ADGRV1: variants seen among roughly 807,000 people sequenced by gnomAD.
The protein encoded by ADGRV1 is G-protein coupled receptor 98.
In ADGRV1, 359 loss-of-function variants were observed where a neutral mutation model predicts 596.2. The ratio of observed to expected loss-of-function variants is 0.60; its 90% CI spans 0.55 to 0.66. ADGRV1 has a LOEUF of 0.66. Among genes scored for constraint, ADGRV1 ranks in the 30% least tolerant of loss-of-function variants. ADGRV1 has a pLI of 0.00. For synonymous variants in ADGRV1, 2,681 were observed against 2,679.2 expected, an observed-to-expected ratio of 1.00 and a Z score of -0.02; for missense variants, 7,274 against 7,575.6, an observed-to-expected ratio of 0.96 and a Z score of 1.48.
intron 52 of ADGRV1, among the ~76,000 whole-genome samples, chr5:90,748,667 A>T (rs1221122179): frequency 2.0e-5 from 3 of 152,128 alleles, no homozygotes; most frequent in Non-Finnish European, 4.4e-5. Flanking sequence ...TTGTTTCTTC[A>T]CTTTCTTCAG....
intron 83 of ADGRV1, among the ~76,000 whole-genome samples, chr5:90,893,162 G>C (rs1770982675): frequency 6.6e-6 from 1 of 152,142 alleles, no homozygotes; most frequent in Non-Finnish European, 1.5e-5. Context: ...ACTGAGGGTA[G>C]ATAGTCTGTT....
rs781697491 is a variant in ADGRV1 at position 90,725,186 on chromosome 5, C to G, written c.10007C>G (p.Ser3336Cys). ...THEERNEEKP[S>C]LNSVFTFTSG... ...GAAGAAAGAAATGAAGAAAAGCCTTCTCTTAACAGTGTGTTTACATTCACA... is the reference window on the plus strand; with the variant it reads ...GAAGAAAGAAATGAAGAAAAGCCTTGTCTTAACAGTGTGTTTACATTCACA... The change falls in exon 47 of 90, where the codon TCT (serine) becomes TGT (cysteine). Residue 3336 changes from serine (S) to cysteine (C), a missense_variant. Transcript: ENST00000405460. 15 of 1,544,210 alleles carry G rather than the reference C, an allele frequency of 9.7e-6. No homozygotes were observed. The highest frequency in any genetic ancestry group is 1.3e-5 in the Non-Finnish European group (15 of 1,140,340).
intron 17 of ADGRV1, among the ~76,000 whole-genome samples, chr5:90,650,546 A>G (rs963371147): frequency 6.6e-6 from 1 of 152,170 alleles, no homozygotes; most frequent in Non-Finnish European, 1.5e-5. Flanking sequence ...ATTTGTTTCT[A>G]TAATTTTAGC....
chr5:90,808,109 G>A (rs1252706899), intron 73 of ADGRV1, among the ~76,000 whole-genome samples: 1 of 152,210 alleles, frequency 6.6e-6, no homozygotes, highest in African/African-American at 2.4e-5. Flanking sequence ...AGACATCACA[G>A]TAGGGTGATA....
At chr5:91,090,664 G>A (rs1790308087) in intron 86 of ADGRV1, among the ~76,000 whole-genome samples, 1 of 151,712 alleles carries the variant, frequency 6.6e-6, no homozygotes, top group Non-Finnish European at 1.5e-5. Flanking sequence ...TCCAAATCAT[G>A]CTTGTATCCT....
chr5:90,719,766 A>G (rs1290921635), intron 43 of ADGRV1, among the ~76,000 whole-genome samples: 1 of 152,226 alleles, frequency 6.6e-6, no homozygotes, highest in Non-Finnish European at 1.5e-5. Context: ...AAAAGTTCAC[A>G]AAAATGAAGA....
intron 86 of ADGRV1, among the ~76,000 whole-genome samples, chr5:91,098,515 A>T (rs1442615463): frequency 6.6e-6 from 1 of 152,192 alleles, no homozygotes; most frequent in African/African-American, 2.4e-5. Flanking sequence ...CAAAATCTGG[A>T]TATGCCTCTG....
rs150608207 is a variant in ADGRV1 at position 90,691,260 on chromosome 5, C to CT, written c.6951+225dup. 6,684 of 588,052 alleles carry CT rather than the reference C, an allele frequency of 0.011. 339 individuals carry two copies. Among genetic ancestry groups the CT allele is most frequent in the African/African-American group, 0.11 (5,976 of 53,794 alleles). 36.4% of individuals were successfully genotyped at this position (588,052 alleles called of 1,614,324 possible). ...CATATGCCAGTTTACTACTATAAGA[C>CT]TTTTTTGTACAATTAACTTGCATTG... On this transcript the variant is annotated intron_variant, in intron 31 of 89. Transcript: ENST00000405460.
intron 85 of ADGRV1, among the ~76,000 whole-genome samples, chr5:91,038,546 G>A (rs1388798490): frequency 6.6e-6 from 1 of 152,150 alleles, no homozygotes; most frequent in Non-Finnish European, 1.5e-5. Flanking sequence ...GTCAGACCTG[G>A]GTGATTGATT....
chr5:90,811,380 G>T (rs1187696205), intron 74 of ADGRV1, 42 bp downstream of exon 74: 1 of 1,479,888 alleles, frequency 6.8e-7, no homozygotes, highest in South Asian at 1.4e-5. Context: ...TACTTTTATG[G>T]TACATAATTT....
chr5:90,843,140 G>A (rs923711939), intron 78 of ADGRV1, among the ~76,000 whole-genome samples: 3 of 152,032 alleles, frequency 2.0e-5, no homozygotes, highest in African/African-American at 7.2e-5. Context: ...TTGTTTTGGG[G>A]TTATTTTTAC....
In ADGRV1 at chr5:90,834,366, G is replaced by A. The variant is rs200931673; in HGVS notation, c.16611+5180G>A. The stretch of plus-strand genomic sequence containing the variant: ...AAATCTCTCAGCTTTGTTTGTCTGG[G>A]AAAGTCTTTCTCCTTCATGTTTGAA... On this transcript the variant is annotated intron_variant, in intron 77 of 89. Transcript: ENST00000405460. Among the ~76,000 whole-genome samples the A allele has an allele frequency of 2.0e-5, 3 of 152,094 alleles. No individual in the cohort carries two copies. The East Asian group carries it at 5.8e-4, about 29-fold the overall frequency.
At chr5:90,649,249 G>T (rs373881615) in intron 17 of ADGRV1, among the ~76,000 whole-genome samples, 8 of 152,042 alleles carry the variant, frequency 5.3e-5, no homozygotes, top group African/African-American at 1.4e-4. Context: ...TGATCTACCC[G>T]CCTCAGCCTC....
intron 21 of ADGRV1, among the ~76,000 whole-genome samples, chr5:90,661,312 G>C (rs1335288222): frequency 1.3e-5 from 2 of 152,038 alleles, no homozygotes; most frequent in Non-Finnish European, 2.9e-5. Flanking sequence ...TGCATTATAT[G>C]TTATATTTAT....
intron 76 of ADGRV1, chr5:90,825,772 A>C (rs993276788): frequency 1.3e-5 from 2 of 152,246 alleles, no homozygotes; most frequent in Non-Finnish European, 2.9e-5. Flanking sequence ...TGTTGTATGC[A>C]ATACATGGGA....
At chr5:91,031,130 G>T in intron 85 of ADGRV1, 1 of 1,351,496 alleles carries the variant, frequency 7.4e-7, no homozygotes, top group Non-Finnish European at 1.1e-6. Flanking sequence ...TAAAAGAACA[G>T]AAACATCTGT....
At chr5:90,636,011 G>A (rs888908983) in intron 10 of ADGRV1, among the ~76,000 whole-genome samples, 1 of 151,770 alleles carries the variant, frequency 6.6e-6, no homozygotes, top group African/African-American at 2.4e-5. Flanking sequence ...GGCCAGGTTG[G>A]GCCTTATGCT....
At position 90,685,963 on chromosome 5, in the gene ADGRV1, A is replaced by G. The variant is rs1208520835; in HGVS notation, c.6458A>G (p.Lys2153Arg). 2 of 1,596,314 alleles carry G rather than the reference A, an allele frequency of 1.3e-6. No individual in the cohort carries two copies. Among genetic ancestry groups the G allele is most frequent in the Admixed American group, 1.7e-5 (1 of 58,726 alleles). Residue 2153 changes from lysine to arginine, a missense_variant, in exon 29 of 90, where the codon AAG becomes AGG. Physicochemically the swap from Lys to Arg is conservative, Grantham distance 26. Transcript: ENST00000405460. ...GGAGCATTTGCAGATGTCTCTGTGA[A>G]GTTTAAAGCTGTGCCAATAACTGCA... The part of the protein sequence containing the change: ...TGGAFADVSV[K>R]FKAVPITAIA...
intron 73 of ADGRV1, among the ~76,000 whole-genome samples, chr5:90,808,185 C>G (rs1762089375): frequency 6.6e-6 from 1 of 152,164 alleles, no homozygotes; most frequent in Non-Finnish European, 1.5e-5. Flanking sequence ...TACTATGTAT[C>G]TATAATGACT....
Sources: gnomAD v4.1 joint callset for allele counts (sites outside exome capture counted in the v4.1 genomes callset) on GRCh38, gnomAD v4.1.1 for gene constraint, MANE v1.5 for transcripts, NCBI Gene and HGNC (gene_info 2026-07-23, HGNC 2026-07-21) for gene names.